The following SCEL variants were observed in gnomAD, a reference collection of about 807,000 sequenced individuals.
SCEL encodes sciellin.
SCEL carries 113 observed loss-of-function variants against 117.6 expected under a neutral mutation model. The ratio of observed to expected loss-of-function variants is 0.96; its 90% confidence interval spans 0.83 to 1.12. The LOEUF (loss-of-function observed/expected upper bound fraction) is 1.12, where lower values mean the gene tolerates loss of function less well. Ranked by LOEUF, SCEL falls within the 50% of genes most tolerant of loss-of-function variation. The probability of loss-of-function intolerance (pLI) is 0.00; values close to 1 mark genes in which losing one functional copy is unlikely to be tolerated. For missense variants in SCEL, 785 were observed against 810.8 expected (o/e 0.97, Z 0.39); for synonymous variants, 270 against 256.2 (o/e 1.05, Z -0.51).
At chr13:77,561,004 G>A (rs1271531549) in intron 4 of SCEL, among the ~76,000 whole-genome samples, 1 of 151,732 alleles carries the variant, frequency 6.6e-6, no homozygotes, top group Admixed American at 6.6e-5. Context: ...CTTCTACACA[G>A]AGTTGCCATT....
intron 12 of SCEL, among the ~76,000 whole-genome samples, chr13:77,595,178 C>T (rs1938911776): frequency 6.6e-6 from 1 of 152,138 alleles, no homozygotes; most frequent in African/African-American, 2.4e-5. Context: ...GTCCCTGCTC[C>T]CTAGCCATAA....
chr13:77,636,984 G>T lies in SCEL; in HGVS notation c.1764-136G>T, dbSNP rs563383995. 3.9e-4 allele frequency: 178 copies of T among 455,980 alleles called. 1 individual carries two copies. The highest frequency in any genetic ancestry group is 3.4e-3 in the African/African-American group (157 of 46,610). The allele number at this position is 455,980 out of a possible 1,614,324, so 28.2% of individuals were successfully genotyped here. A position where few individuals can be genotyped will look rare whatever the true frequency, so the allele number is the denominator to read the frequency against. On this transcript the variant is annotated intron_variant, in intron 29 of 32. Coordinates refer to ENST00000349847, the MANE Select transcript of SCEL (RefSeq NM_144777.3). The stretch of plus-strand genomic sequence containing the variant: ...ATATTTCTACAGATTAAAAAAATGT[G>T]TCAGTACATCATCCTGGCTTGTAAC...
At chr13:77,614,140 C>A (rs576956001) in intron 24 of SCEL, among the ~76,000 whole-genome samples, 185 bp downstream of exon 24, 2 of 152,200 alleles carry the variant, frequency 1.3e-5, no homozygotes, top group East Asian at 1.9e-4. Flanking sequence ...CAATGTATGG[C>A]GGTGCTTTCT....
intron 5 of SCEL, 137 bp from the exon 6 acceptor site, chr13:77,567,543 A>G (rs1387120645): frequency 1.6e-6 from 1 of 629,956 alleles, no homozygotes; most frequent in Admixed American, 3.3e-5. Flanking sequence ...AAAATTTTCT[A>G]AAATGTAACA....
chr13:77,602,554 A>G, intron 16 of SCEL, 100 bp from the exon 17 acceptor site: 1 of 1,002,824 alleles, frequency 1.0e-6, no homozygotes, highest in Non-Finnish European at 1.6e-6. Flanking sequence ...TTTGGTCCTG[A>G]AAACACCTGA....
At chr13:77,571,403 T>C (rs1593976044) in intron 8 of SCEL, among the ~76,000 whole-genome samples, 1 of 148,424 alleles carries the variant, frequency 6.7e-6, no homozygotes, top group South Asian at 2.1e-4. Context: ...AAATTATATT[T>C]TGAAGCTGGG....
chr13:77,610,325 G>T (rs1247758057), intron 22 of SCEL, among the ~76,000 whole-genome samples: 1 of 151,872 alleles, frequency 6.6e-6, no homozygotes, highest in Non-Finnish European at 1.5e-5. Flanking sequence ...GGTGGTGGGT[G>T]CCTGTAGTCT....
chr13:77,553,431 C>T (rs1054894611), intron 1 of SCEL, among the ~76,000 whole-genome samples: 2 of 148,812 alleles, frequency 1.3e-5, no homozygotes, highest in African/African-American at 4.9e-5. Context: ...TCTTTATCGG[C>T]TAAGAGAAAA....
chr13:77,587,339 T>C (rs1044559062), intron 9 of SCEL, among the ~76,000 whole-genome samples: 6 of 151,934 alleles, frequency 3.9e-5, no homozygotes, highest in Admixed American at 3.3e-4. Flanking sequence ...GTCTAGTGAT[T>C]TCCCCCTCTC....
At chr13:77,593,291 T>TGCGCGC (rs1267790552) in intron 11 of SCEL, among the ~76,000 whole-genome samples, 2 of 91,854 alleles carry the variant, frequency 2.2e-5, no homozygotes, top group African/African-American at 1.1e-4. Context: ...TGTGTGTGTG[T>TGCGCGC]GTGTGTCTGT....
At chr13:77,591,848 A>G (rs569695392) in intron 11 of SCEL, among the ~76,000 whole-genome samples, 6 of 152,282 alleles carry the variant, frequency 3.9e-5, no homozygotes, top group South Asian at 2.1e-4. Flanking sequence ...CAGCATCAGG[A>G]AGAAGCACAT....
intron 1 of SCEL, 92 bp from the exon 2 acceptor site, chr13:77,555,765 G>A: frequency 1.2e-6 from 1 of 854,512 alleles, no homozygotes; most frequent in South Asian, 1.5e-5. Flanking sequence ...CTATGTCACT[G>A]TCATTGAAAA....
intron 19 of SCEL, chr13:77,606,569 C>G (rs1171161116): frequency 6.6e-6 from 1 of 152,172 alleles, no homozygotes; most frequent in Non-Finnish European, 1.5e-5. Context: ...CCACATACTT[C>G]ATTTAGGCAG....
At chr13:77,555,586 G>A (rs937546797) in intron 1 of SCEL, among the ~76,000 whole-genome samples, 2 of 152,194 alleles carry the variant, frequency 1.3e-5, no homozygotes, top group Non-Finnish European at 2.9e-5. Flanking sequence ...TTGAATAAAT[G>A]AATTCACTGA....
chr13:77,599,887 T>G (rs2087533910), intron 15 of SCEL, 139 bp downstream of exon 15: 3 of 633,754 alleles, frequency 4.7e-6, no homozygotes, highest in Non-Finnish European at 8.5e-6. Flanking sequence ...ATAGTGTGTA[T>G]CTTGGTGCTG....
chr13:77,538,411 C>T (rs908806387), intron 1 of SCEL, among the ~76,000 whole-genome samples: 11 of 152,102 alleles, frequency 7.2e-5, no homozygotes, highest in African/African-American at 2.4e-4. Context: ...CCAATGCGCC[C>T]GGCCTTAATC....
rs369787208 is a variant in SCEL, at chr13:77,617,619, T to C, written c.1472T>C (p.Leu491Pro). Residue 491 changes from leucine to proline, a missense_variant, in exon 25 of 33, where the codon CTC (leucine) becomes CCC (proline). Leu to Pro is a moderately conservative substitution (Grantham distance 98, BLOSUM62 -3). Coordinates refer to ENST00000349847, the MANE Select transcript of SCEL (RefSeq NM_144777.3). ...TAAAGAAAACAAGATCTTGATAAAC[T>C]CATCAAGGTGAATCCTGAAATTTTC... ...NTDGKQDLDK[L>P]IKVNPEIFTN... 1.6e-5 allele frequency: 26 copies of C among 1,596,172 alleles called. No individual in the cohort carries two copies. In the East Asian group the frequency reaches 2.5e-4, roughly 15 times the overall value.
chr13:77,623,602 T>C (rs998564097), intron 27 of SCEL: 1 of 152,256 alleles, frequency 6.6e-6, no homozygotes, highest in African/African-American at 2.4e-5. Flanking sequence ...ACTTTGGAAA[T>C]GTGTTTCTTT....
chr13:77,585,118 G>A (rs1035746631), intron 9 of SCEL, among the ~76,000 whole-genome samples: 1 of 152,200 alleles, frequency 6.6e-6, no homozygotes, highest in Non-Finnish European at 1.5e-5. Context: ...AAGAAATTCA[G>A]CCAATCACTT....
Sources: allele counts gnomAD v4.1 joint callset (sites outside exome capture counted in the v4.1 genomes callset), GRCh38; gene constraint gnomAD v4.1.1; transcripts MANE v1.5; gene names NCBI Gene and HGNC (gene_info 2026-07-23, HGNC 2026-07-21).